Variants in WDR17 observed in about 807,000 individuals in gnomAD.
WDR17 encodes WD repeat-containing protein 17.
A neutral mutation model predicts 161.7 loss-of-function variants in WDR17; 143 were observed. That is an observed-to-expected ratio of 0.88 (90% CI 0.77 to 1.02). The LOEUF is 1.02. Ranked by LOEUF, WDR17 falls within the 50% of genes least tolerant of loss-of-function variation. The probability of loss-of-function intolerance (pLI) is 0.00; values close to 1 mark genes in which losing one functional copy is unlikely to be tolerated. For missense variants in WDR17, 1,469 were observed against 1,520.9 expected, an observed-to-expected ratio of 0.97 and a Z score of 0.57; for synonymous variants, 517 against 515.6, an observed-to-expected ratio of 1.00 and a Z score of -0.04.
At chr4:176,142,139 G>A in intron 11 of WDR17, 70 bp downstream of exon 11, 1 of 1,296,350 alleles carries the variant, frequency 7.7e-7, no homozygotes, top group Admixed American at 1.8e-5. Flanking sequence ...ATAAAGTTTA[G>A]TGCTATTTCC....
rs116132631 is a variant in WDR17, at chr4:176,121,125, G to T, written c.538+1028G>T. 5.6e-4 allele frequency among the ~76,000 whole-genome samples: 86 copies of T among 152,224 alleles called. 1 individual carries two copies. The highest frequency in any genetic ancestry group is 3.4e-3 in the Middle Eastern group (1 of 294). ...TTCCTTCTGGTTGTACCAGGTTTAC[G>T]TGGGGACAGTTTCATTGATTTGTCA... On this transcript the variant is annotated intron_variant, in intron 4 of 28. Transcript: ENST00000508596.
intron 1 of WDR17, among the ~76,000 whole-genome samples, chr4:176,107,179 C>T (rs1321302686): frequency 4.6e-5 from 7 of 151,756 alleles, no homozygotes; most frequent in Non-Finnish European, 1.0e-4. Context: ...CTGATAAGCA[C>T]ATGAAAAGTT....
intron 12 of WDR17, 116 bp downstream of exon 12, chr4:176,146,275 C>T (rs1746148623): frequency 1.8e-6 from 2 of 1,096,724 alleles, no homozygotes; most frequent in Admixed American, 5.7e-5. Flanking sequence ...CCTCTGTCAC[C>T]CAGGCTGGAA....
intron 1 of WDR17, among the ~76,000 whole-genome samples, chr4:176,082,114 C>G (rs1734823901): frequency 6.6e-6 from 1 of 151,472 alleles, no homozygotes; most frequent in Non-Finnish European, 1.5e-5. Context: ...GGCTTTAGTT[C>G]CTGGCCATGA....
At chr4:176,141,870 C>G in intron 10 of WDR17, 113 bp from the exon 11 acceptor site, 1 of 851,550 alleles carries the variant, frequency 1.2e-6, no homozygotes. Context: ...GCTTTGTAGA[C>G]AAAATCTCTA....
intron 1 of WDR17, among the ~76,000 whole-genome samples, chr4:176,087,655 T>C (rs937480675): frequency 1.3e-5 from 2 of 152,114 alleles, no homozygotes; most frequent in African/African-American, 4.8e-5. Context: ...CTTATCTGTC[T>C]CTTATGCTTT....
chr4:176,116,485 A>G (rs1030554941), intron 3 of WDR17, among the ~76,000 whole-genome samples: 1 of 151,776 alleles, frequency 6.6e-6, no homozygotes, highest in African/African-American at 2.4e-5. Context: ...TACTCTTTCT[A>G]CTTAGAATTG....
At chr4:176,101,983 A>G (rs1235106346) in intron 1 of WDR17, among the ~76,000 whole-genome samples, 1 of 152,234 alleles carries the variant, frequency 6.6e-6, no homozygotes, top group Non-Finnish European at 1.5e-5. Flanking sequence ...CACTTTTTAG[A>G]TACAAAAGGT....
At chr4:176,096,865 A>G (rs1736963813) in intron 1 of WDR17, among the ~76,000 whole-genome samples, 1 of 151,744 alleles carries the variant, frequency 6.6e-6, no homozygotes, top group African/African-American at 2.4e-5. Flanking sequence ...ATAATATTTT[A>G]TATATTGAGA....
chr4:176,084,408 T>A (rs1280437007), intron 1 of WDR17, among the ~76,000 whole-genome samples: 1 of 152,064 alleles, frequency 6.6e-6, no homozygotes, highest in Non-Finnish European at 1.5e-5. Context: ...CTCACCCTTT[T>A]ACTGAGAGAA....
At chr4:176,152,111 A>T (rs1006375216) in intron 17 of WDR17, 144 bp downstream of exon 17, 6 of 717,328 alleles carry the variant, frequency 8.4e-6, no homozygotes, top group Non-Finnish European at 1.1e-5. Flanking sequence ...GGAGTTCGAT[A>T]CTAGCCTGAG....
intron 17 of WDR17, among the ~76,000 whole-genome samples, chr4:176,155,572 T>C (rs1278607870): frequency 6.9e-6 from 1 of 144,976 alleles, no homozygotes; most frequent in Non-Finnish European, 1.5e-5. Flanking sequence ...GGAGACGAAG[T>C]CTTGCTCTGT....
chr4:176,077,474 C>G (rs545021121), intron 1 of WDR17, among the ~76,000 whole-genome samples: 1 of 152,152 alleles, frequency 6.6e-6, no homozygotes, highest in Middle Eastern at 3.4e-3. Context: ...GTTCCTTTCA[C>G]GTAGTACCTA....
At chr4:176,135,408 AT>A (rs1744250594) in intron 8 of WDR17, 132 bp downstream of exon 8, 14 of 1,032,756 alleles carry the variant, frequency 1.4e-5, no homozygotes, top group Middle Eastern at 2.6e-4. Flanking sequence ...GTGTGAACAT[AT>A]TTGTTGATTC....
At chr4:176,118,318 A>T (rs981852564) in intron 3 of WDR17, among the ~76,000 whole-genome samples, 10 of 152,086 alleles carry the variant, frequency 6.6e-5, no homozygotes, top group Admixed American at 6.5e-4. Context: ...CCAGTATTCT[A>T]TTGTCTTTCC....
At chr4:176,091,276 A>G (rs895492099) in intron 1 of WDR17, among the ~76,000 whole-genome samples, 1 of 152,220 alleles carries the variant, frequency 6.6e-6, no homozygotes, top group Admixed American at 6.6e-5. Context: ...AATTCAAAAG[A>G]GTTGAAATCA....
chr4:176,154,692 G>T (rs966400348), intron 17 of WDR17, among the ~76,000 whole-genome samples: 2 of 151,898 alleles, frequency 1.3e-5, no homozygotes, highest in African/African-American at 4.8e-5. Flanking sequence ...ATACCTTTTA[G>T]GTAACATGAT....
In WDR17 at chr4:176,160,044, G is replaced by A. The variant is rs200278729; in HGVS notation, c.2576G>A (p.Cys859Tyr). The change falls in exon 19 of 29, where the codon TGC becomes TAC. Residue 859 changes from cysteine (C) to tyrosine (Y), a missense_variant. Physicochemically the swap from Cys to Tyr is radical, Grantham distance 194. Coordinates refer to ENST00000508596, the MANE Select transcript of WDR17 (RefSeq NM_181265.4). ...GATAAGGATGATGTCATTCCATACT[G>A]CATAGCCATTGGTGATGTGAAAAAG... ...QEDKDDVIPY[C>Y]IAIGDVKKLV... 13 of 1,613,306 alleles carry A rather than the reference G, an allele frequency of 8.1e-6. No individual in the cohort carries two copies. The highest frequency in any genetic ancestry group is 1.1e-5 in the South Asian group (1 of 91,004).
At chr4:176,097,165 T>C (rs1737013627) in intron 1 of WDR17, among the ~76,000 whole-genome samples, 1 of 152,046 alleles carries the variant, frequency 6.6e-6, no homozygotes, top group Non-Finnish European at 1.5e-5. Flanking sequence ...CTATTTAAAA[T>C]GTACCTTGTC....
Sources: gnomAD v4.1 joint callset for allele counts (sites outside exome capture counted in the v4.1 genomes callset) on GRCh38, gnomAD v4.1.1 for gene constraint, MANE v1.5 for transcripts, NCBI Gene and HGNC (gene_info 2026-07-23, HGNC 2026-07-21) for gene names.